SC5D: variants seen among roughly 807,000 people sequenced by gnomAD.
SC5D encodes sterol-C5-desaturase.
In SC5D, 21 loss-of-function variants were observed where a neutral mutation model predicts 23.9. That is an observed-to-expected ratio of 0.88 (90% confidence interval 0.62 to 1.26). The LOEUF is 1.26. Ranked by LOEUF, SC5D falls within the 50% of genes most tolerant of loss-of-function variation. The pLI is 0.00. For missense variants in SC5D, 309 were observed against 364.8 expected (o/e 0.85, Z 1.25); for synonymous variants, 113 against 125.9 (o/e 0.90, Z 0.68).
chr11:121,308,027 T>TG lies in SC5D; in HGVS notation c.*517dup, dbSNP rs1283819107. ...ACTTGAATAAAGTACTACATCAGTG[T>TG]GGAAAAAAATTCTGATACATTAGCA... On this transcript the variant is annotated 3_prime_UTR_variant, in exon 5 of 5. Coordinates refer to ENST00000264027, the MANE Select transcript of SC5D (RefSeq NM_006918.5). The TG allele has an allele frequency of 6.5e-6, 1 of 153,902 alleles. No homozygotes were observed. The highest frequency in any genetic ancestry group is 1.4e-5 in the Non-Finnish European group (1 of 69,184). 9.5% of individuals were successfully genotyped at this position (153,902 alleles called of 1,614,324 possible).
At chr11:121,294,020 G>A (rs906378991) in intron 1 of SC5D, among the ~76,000 whole-genome samples, 6 of 152,172 alleles carry the variant, frequency 3.9e-5, no homozygotes, top group South Asian at 2.1e-4. Flanking sequence ...ATAGGGATTA[G>A]ATGAGGTTAT....
At chr11:121,296,388 A>G (rs1052811802) in intron 1 of SC5D, among the ~76,000 whole-genome samples, 1 of 152,148 alleles carries the variant, frequency 6.6e-6, no homozygotes, top group Non-Finnish European at 1.5e-5. Flanking sequence ...CACCCTGTCT[A>G]ACACCCACCA....
intron 2 of SC5D, 130 bp from the exon 3 acceptor site, chr11:121,304,231 A>G: frequency 1.3e-6 from 1 of 752,338 alleles, no homozygotes; most frequent in Non-Finnish European, 2.2e-6. Context: ...TTAAAATTTT[A>G]ATAGAAACAG....
In SC5D at chr11:121,308,281, T is replaced by G. The variant is rs1449450656; in HGVS notation, c.*769T>G. Reference sequence around the variant, plus strand: ...CCATTATTTAATAAGAGTAAAAATATGTGAATCTGGATATATTTAAAAAAA... The same window carrying G: ...CCATTATTTAATAAGAGTAAAAATAGGTGAATCTGGATATATTTAAAAAAA... On this transcript the variant is annotated 3_prime_UTR_variant, in exon 5 of 5. Coordinates refer to ENST00000264027, the MANE Select transcript of SC5D (RefSeq NM_006918.5). 1 of 152,260 alleles carries G rather than the reference T, an allele frequency of 6.6e-6. No homozygotes were observed. Among genetic ancestry groups the G allele is most frequent in the Non-Finnish European group, 1.5e-5 (1 of 68,044 alleles). The allele number at this position is 152,260 out of a possible 1,614,324, so 9.4% of individuals were successfully genotyped here. A position where few individuals can be genotyped will look rare whatever the true frequency, so the allele number is the denominator to read the frequency against.
chr11:121,304,331 A>C (rs759984399), intron 2 of SC5D, 30 bp from the exon 3 acceptor site: 16 of 1,610,670 alleles, frequency 9.9e-6, no homozygotes, highest in Non-Finnish European at 1.2e-5. Flanking sequence ...GGATTTTGTG[A>C]TTTTTAAGTA....
intron 1 of SC5D, among the ~76,000 whole-genome samples, chr11:121,298,542 G>A (rs923218048): frequency 1.3e-5 from 2 of 152,210 alleles, no homozygotes; most frequent in Admixed American, 6.5e-5. Flanking sequence ...TATCACTAAT[G>A]AGGTGATGAT....
At chr11:121,299,804 G>T (rs1947913661) in intron 1 of SC5D, among the ~76,000 whole-genome samples, 1 of 152,190 alleles carries the variant, frequency 6.6e-6, no homozygotes, top group African/African-American at 2.4e-5. Context: ...TGAGTCAGAA[G>T]GATCACTTGA....
Position 121,307,097 on chromosome 11 carries a change from C to G in SC5D, c.485C>G (p.Pro162Arg). Reference protein sequence around the residue: ...KPHHIWKIPTPFASHAFHPID... With the variant: ...KPHHIWKIPTRFASHAFHPID... ...CACCATATTTGGAAGATTCCTACTC[C>G]ATTTGCAAGTCATGCTTTTCACCCT... The change falls in exon 5 of 5, where the codon CCA (proline) becomes CGA (arginine). Residue 162 changes from proline (P) to arginine (R), a missense_variant. By Grantham distance (103) the Pro-to-Arg change is moderately radical (BLOSUM62 -2). Transcript: ENST00000264027. 1 of 1,614,168 alleles carries G rather than the reference C, an allele frequency of 6.2e-7. No individual in the cohort carries two copies. The highest frequency in any genetic ancestry group is 8.5e-7 in the Non-Finnish European group (1 of 1,180,014).
rs7112214 is a variant in SC5D at position 121,306,777 on chromosome 11, G to A, written c.445-280G>A. Reference sequence around the variant, plus strand: ...ATGGGAGAGGAGTGAGGGATGAGACGCTCCCTATTGGGTACAATGTGCACT... The same window carrying A: ...ATGGGAGAGGAGTGAGGGATGAGACACTCCCTATTGGGTACAATGTGCACT... On this transcript the variant is annotated intron_variant, in intron 4 of 4. Transcript: ENST00000264027. 7.6e-3 allele frequency: 4,659 copies of A among 613,406 alleles called. 158 individuals are homozygous for A. Among genetic ancestry groups the A allele is most frequent in the African/African-American group, 0.069 (3,776 of 54,382 alleles). The allele number at this position is 613,406 out of a possible 1,614,324, so 38.0% of individuals were successfully genotyped here. A position where few individuals can be genotyped will look rare whatever the true frequency, so the allele number is the denominator to read the frequency against.
At position 121,307,335 on chromosome 11, in the gene SC5D, A is replaced by T; in HGVS notation, c.723A>T (p.Gly241=). The T allele has an allele frequency of 2.5e-6, 4 of 1,614,176 alleles. No homozygotes were observed. The highest frequency in any genetic ancestry group is 3.4e-6 in the Non-Finnish European group (4 of 1,180,026). ...ATATGTTCTTTGACTATAATTATGGACAATATTTCACTTTGTGGGATAGGA... is the reference window on the plus strand; with the variant it reads ...ATATGTTCTTTGACTATAATTATGGTCAATATTTCACTTTGTGGGATAGGA... The part of the protein sequence containing the change: ...DHHMFFDYNY[G]QYFTLWDRIG... The change falls in exon 5 of 5, where the codon GGA becomes GGT. Residue 241 remains glycine, a synonymous_variant. Coordinates refer to ENST00000264027, the MANE Select transcript of SC5D (RefSeq NM_006918.5).
At chr11:121,306,718 A>G (rs897387745) in intron 4 of SC5D, 2 of 650,538 alleles carry the variant, frequency 3.1e-6, no homozygotes, top group Admixed American at 2.2e-5. Flanking sequence ...TACAGAGGGA[A>G]CAATAGACAT....
Position 121,309,644 on chromosome 11 carries a change from T to C in SC5D, c.*2132T>C, listed in dbSNP as rs3741013. On this transcript the variant is annotated 3_prime_UTR_variant, in exon 5 of 5. Coordinates refer to ENST00000264027, the MANE Select transcript of SC5D (RefSeq NM_006918.5). The stretch of plus-strand genomic sequence containing the variant: ...ATAGAGAAGAAAGGACAGCTTCCTA[T>C]GGGGAAGACAGAGGCTTCCTCATAG... Among the ~76,000 whole-genome samples, 1 of 152,336 alleles carries C rather than the reference T, an allele frequency of 6.6e-6. No individual in the cohort carries two copies. The highest frequency in any genetic ancestry group is 1.9e-4 in the East Asian group (1 of 5,190).
In SC5D at chr11:121,304,513, G is replaced by GTA; in HGVS notation, c.343+21_343+22insAT. Reference sequence around the variant, plus strand: ...CATATGGTAAGTAAATAACACGAGTGTCAGGAAGAGAGTAGTCTAAGCACA... The same window carrying GTA: ...CATATGGTAAGTAAATAACACGAGTGTATCAGGAAGAGAGTAGTCTAAGCACA... On this transcript the variant is annotated intron_variant, in intron 3 of 4. Transcript: ENST00000264027. 1 of 1,611,030 alleles carries GTA rather than the reference G, an allele frequency of 6.2e-7. No homozygotes were observed. Among genetic ancestry groups the GTA allele is most frequent in the Non-Finnish European group, 8.5e-7 (1 of 1,177,636 alleles).
At chr11:121,306,847 A>C in intron 4 of SC5D, 1 of 651,858 alleles carries the variant, frequency 1.5e-6, no homozygotes, top group South Asian at 1.7e-5. Flanking sequence ...ACCACTGTGC[A>C]GTATATCCAT....
chr11:121,301,431 G>A (rs570462051), intron 1 of SC5D, among the ~76,000 whole-genome samples: 14 of 152,004 alleles, frequency 9.2e-5, no homozygotes, highest in African/African-American at 2.9e-4. Context: ...GGTCAATTGA[G>A]ATTAAACAGC....
In SC5D at chr11:121,312,530, T is replaced by G. The variant is rs886047874; in HGVS notation, c.*5018T>G. The stretch of plus-strand genomic sequence containing the variant: ...CTACCAAAAAAGCAGACTTGTGTAC[T>G]TGACAGATTTTTCTAAACACTTCAC... On this transcript the variant is annotated 3_prime_UTR_variant, in exon 5 of 5. Coordinates refer to ENST00000264027, the MANE Select transcript of SC5D (RefSeq NM_006918.5). Among the ~76,000 whole-genome samples the G allele has an allele frequency of 6.6e-6, 1 of 151,614 alleles. No individual in the cohort carries two copies. Among genetic ancestry groups the G allele is most frequent in the African/African-American group, 2.4e-5 (1 of 40,938 alleles).
In SC5D at chr11:121,312,802, G is replaced by A. The variant is rs1418019829; in HGVS notation, c.*5290G>A. ...CCTCTATTATAATTTAACTCATTAAGCCATTTATTTAGATGTAAACTTGCC... is the reference window on the plus strand; with the variant it reads ...CCTCTATTATAATTTAACTCATTAAACCATTTATTTAGATGTAAACTTGCC... On this transcript the variant is annotated 3_prime_UTR_variant, in exon 5 of 5. Coordinates refer to ENST00000264027, the MANE Select transcript of SC5D (RefSeq NM_006918.5). 3.3e-5 allele frequency among the ~76,000 whole-genome samples: 5 copies of A among 151,950 alleles called. No homozygotes were observed. The highest frequency in any genetic ancestry group is 5.9e-5 in the Non-Finnish European group (4 of 67,952).
chr11:121,298,962 G>A (rs1177388282), intron 1 of SC5D, among the ~76,000 whole-genome samples: 1 of 152,176 alleles, frequency 6.6e-6, no homozygotes, highest in Non-Finnish European at 1.5e-5. Context: ...ACAAGGTAAT[G>A]TCATCAGTTA....
intron 1 of SC5D, among the ~76,000 whole-genome samples, chr11:121,293,309 C>T (rs1947865183): frequency 6.6e-6 from 1 of 152,204 alleles, no homozygotes; most frequent in Non-Finnish European, 1.5e-5. Flanking sequence ...GAATTCTGGT[C>T]TGGCTGCTGA....
Sources: gnomAD v4.1 joint callset for allele counts (sites outside exome capture counted in the v4.1 genomes callset) on GRCh38, gnomAD v4.1.1 for gene constraint, MANE v1.5 for transcripts, NCBI Gene and HGNC (gene_info 2026-07-23, HGNC 2026-07-21) for gene names.